The following ZFYVE28 variants were observed in gnomAD, a reference collection of about 807,000 sequenced individuals.
The protein encoded by ZFYVE28 is lateral signaling target protein 2 homolog.
ZFYVE28 carries 40 observed loss-of-function variants against 82.1 expected under a neutral mutation model. The ratio of observed to expected loss-of-function variants is 0.49; its 90% confidence interval spans 0.38 to 0.63. The LOEUF is 0.63. Among genes scored for constraint, ZFYVE28 ranks in the 30% least tolerant of loss-of-function variants. The pLI is 0.00. For missense variants in ZFYVE28, 1,321 were observed against 1,242.1 expected, an observed-to-expected ratio of 1.06 and a Z score of -0.96; for synonymous variants, 612 against 546.1, an observed-to-expected ratio of 1.12 and a Z score of -1.68.
chr4:2,402,760 A>G (rs1385382716), intron 1 of ZFYVE28, among the ~76,000 whole-genome samples: 1 of 152,180 alleles, frequency 6.6e-6, no homozygotes, highest in African/African-American at 2.4e-5. Flanking sequence ...TTACCCACCC[A>G]CATCTAATGA....
chr4:2,330,203 T>A, intron 6 of ZFYVE28: 1 of 877,884 alleles, frequency 1.1e-6, no homozygotes, highest in Non-Finnish European at 1.4e-6. Flanking sequence ...TGGTGATGGC[T>A]GCACAATTCT....
chr4:2,417,974 G>A lies in ZFYVE28; in HGVS notation c.39+311C>T, dbSNP rs1032530154. ...GGAGGGCACCGTCCAGGACCGGGAT[G>A]AGGAGGGAGAGGGGCCCGTTGTGGC... On this transcript the variant is annotated intron_variant, in intron 1 of 12. Transcript: ENST00000290974. The surrounding 1 kb of genome is among the most constrained non-coding windows in gnomAD (Gnocchi z 4.8). Among the ~76,000 whole-genome samples, 5 of 151,894 alleles carry A rather than the reference G, an allele frequency of 3.3e-5. No individual in the cohort carries two copies. Among genetic ancestry groups the A allele is most frequent in the African/African-American group, 9.7e-5 (4 of 41,360 alleles).
chr4:2,418,602 G>A lies in ZFYVE28; in HGVS notation c.-279C>T. ...CGGACAGACGCGGGCACGGGGGCGC[G>A]CGGCTCCTCGCTGCTCACTGACACC... On this transcript the variant is annotated 5_prime_UTR_variant, in exon 1 of 13. Coordinates refer to ENST00000290974, the MANE Select transcript of ZFYVE28 (RefSeq NM_020972.3). This position sits in a 1 kb window ranked among gnomAD's most constrained non-coding sequence, Gnocchi z 4.6. The A allele has an allele frequency of 6.5e-6, 1 of 152,840 alleles. No homozygotes were observed. 9.5% of individuals were successfully genotyped at this position (152,840 alleles called of 1,614,324 possible). A position where few individuals can be genotyped will look rare whatever the true frequency, so the allele number is the denominator to read the frequency against.
At position 2,300,417 on chromosome 4, in the gene ZFYVE28, GAA is replaced by G. The variant is rs1048468043; in HGVS notation, c.2051+3870_2051+3871del. Among the ~76,000 whole-genome samples, 3 of 152,190 alleles carry G rather than the reference GAA, an allele frequency of 2.0e-5. No individual in the cohort carries two copies. The highest frequency in any genetic ancestry group is 2.9e-5 in the Non-Finnish European group (2 of 68,030). On this transcript the variant is annotated intron_variant, in intron 8 of 12. Coordinates refer to ENST00000290974, the MANE Select transcript of ZFYVE28 (RefSeq NM_020972.3). The surrounding 1 kb of genome is among the most constrained non-coding windows in gnomAD (Gnocchi z 4.6). Reference sequence around the variant, plus strand: ...AAGGTCGGAAAGAAGCCAGTAAAATGAAAAGAGCTGAAGGGCGTAGGTTCCAG... The same window carrying G: ...AAGGTCGGAAAGAAGCCAGTAAAATGAAGAGCTGAAGGGCGTAGGTTCCAG...
intron 6 of ZFYVE28, chr4:2,330,440 G>C: frequency 9.4e-7 from 1 of 1,061,306 alleles, no homozygotes; most frequent in Non-Finnish European, 1.1e-6. Flanking sequence ...ATCATGGAGG[G>C]GACAGCACGG....
At position 2,269,994 on chromosome 4, in the gene ZFYVE28, C is replaced by T. The variant is rs1270414537; in HGVS notation, c.*731G>A. 3.3e-5 allele frequency: 5 copies of T among 152,288 alleles called. No homozygotes were observed. The highest frequency in any genetic ancestry group is 5.9e-5 in the Non-Finnish European group (4 of 68,172). The allele number at this position is 152,288 out of a possible 1,614,324, so 9.4% of individuals were successfully genotyped here. ...CGGGCGTCCTGGCTGATTGGTAAAC[C>T]CGACCCAAGGCCCCGAGCAACCTCT... On this transcript the variant is annotated 3_prime_UTR_variant, in exon 13 of 13. Transcript: ENST00000290974.
chr4:2,361,999 A>G (rs1033258784), intron 1 of ZFYVE28, among the ~76,000 whole-genome samples: 3 of 152,090 alleles, frequency 2.0e-5, no homozygotes, highest in African/African-American at 7.2e-5. Context: ...ACGGAAGCCC[A>G]GTCCAGCTCC....
intron 2 of ZFYVE28, among the ~76,000 whole-genome samples, chr4:2,352,159 C>T (rs1387345375): frequency 2.0e-5 from 3 of 152,110 alleles, no homozygotes; most frequent in African/African-American, 7.2e-5. Flanking sequence ...CAGTTCAAAC[C>T]ATGTTGTTCA....
chr4:2,401,500 G>A (rs1172965033), intron 1 of ZFYVE28, among the ~76,000 whole-genome samples: 1 of 152,180 alleles, frequency 6.6e-6, no homozygotes, highest in Non-Finnish European at 1.5e-5. Flanking sequence ...TAACCACAGG[G>A]TGCTTTCACT....
rs566833594 is a variant in ZFYVE28 at position 2,273,614 on chromosome 4, C to T, written c.2207-325G>A. Among the ~76,000 whole-genome samples, 3 of 152,316 alleles carry T rather than the reference C, an allele frequency of 2.0e-5. No homozygotes were observed. In the East Asian group the frequency reaches 5.8e-4, roughly 29 times the overall value. On this transcript the variant is annotated intron_variant, in intron 9 of 12. Transcript: ENST00000290974. ...TGGCCAGGCTACGCGCTGAGGGACA[C>T]TTACAGAGCCCCTGCACTGTGCCCA...
In ZFYVE28 at chr4:2,305,004, C is replaced by G. The variant is rs776479164; in HGVS notation, c.1336G>C (p.Gly446Arg). 6.2e-7 allele frequency: 1 copy of G among 1,612,660 alleles called. No homozygotes were observed. The highest frequency in any genetic ancestry group is 8.5e-7 in the Non-Finnish European group (1 of 1,179,918). Residue 446 changes from glycine (G) to arginine (R), a missense_variant, in exon 8 of 13, where the codon GGG becomes CGG. Gly to Arg is a moderately radical substitution (Grantham distance 125, BLOSUM62 -2). Coordinates refer to ENST00000290974, the MANE Select transcript of ZFYVE28 (RefSeq NM_020972.3). ...KGQGGPGGAA[G>R]ISLPASEKEE... ...TTTTCCGAGGCGGGCAAGCTGATCC[C>G]CGCCGCTCCGCCTGGCCCACCCTGC...
At chr4:2,279,550 T>A (rs374308079) in intron 8 of ZFYVE28, among the ~76,000 whole-genome samples, 2 of 151,818 alleles carry the variant, frequency 1.3e-5, no homozygotes, top group Admixed American at 6.6e-5. Flanking sequence ...GAGGCCAAGG[T>A]GGGCGGATCA....
chr4:2,368,518 C>G (rs553975554), intron 1 of ZFYVE28, among the ~76,000 whole-genome samples: 1 of 82,748 alleles, frequency 1.2e-5, no homozygotes, highest in Non-Finnish European at 2.9e-5. Context: ...AGCAGTCATC[C>G]CCCTACCCCT....
rs58688626 is a variant in ZFYVE28, at chr4:2,294,074, C to CTTT, written c.2051+10212_2051+10214dup. On this transcript the variant is annotated intron_variant, in intron 8 of 12. Transcript: ENST00000290974. ...TAATCCCAATCAAAATCCCAGCAGG[C>CTTT]TTTTTTTTTTTTTTTGGTAAAAGTT... Among the ~76,000 whole-genome samples the CTTT allele has an allele frequency of 2.9e-5, 4 of 138,014 alleles. 1 individual carries two copies. The highest frequency in any genetic ancestry group is 1.0e-4 in the African/African-American group (4 of 38,604). The allele number at this position is 138,014 out of a possible 152,430, so 90.5% of individuals were successfully genotyped here. A position where few individuals can be genotyped will look rare whatever the true frequency, so the allele number is the denominator to read the frequency against.
intron 8 of ZFYVE28, among the ~76,000 whole-genome samples, chr4:2,292,335 C>T (rs909612617): frequency 2.0e-5 from 3 of 152,204 alleles, no homozygotes; most frequent in African/African-American, 7.2e-5. Context: ...ACGATGGTGG[C>T]TCCATGCCAA....
chr4:2,391,680 T>C (rs1157583779), intron 1 of ZFYVE28, among the ~76,000 whole-genome samples: 2 of 149,680 alleles, frequency 1.3e-5, no homozygotes, highest in Non-Finnish European at 3.0e-5. Flanking sequence ...CCCACCACTC[T>C]CCTTTCTGTA....
chr4:2,386,546 G>A (rs1457768346), intron 1 of ZFYVE28, among the ~76,000 whole-genome samples: 9 of 152,142 alleles, frequency 5.9e-5, no homozygotes, highest in Admixed American at 1.3e-4. Flanking sequence ...GAATCCAGCC[G>A]TTTGTGGACT....
At chr4:2,340,607 C>T (rs1722632514) in intron 3 of ZFYVE28, among the ~76,000 whole-genome samples, 1 of 152,138 alleles carries the variant, frequency 6.6e-6, no homozygotes, top group Admixed American at 6.5e-5. Context: ...GGAGCTGTGC[C>T]CACCCCTGTG....
At position 2,337,524 on chromosome 4, in the gene ZFYVE28, C is replaced by T. The variant is rs189362437; in HGVS notation, c.522-28G>A. ...GCAAACACATGGAGACCTGTGAGGCCGCACCTGGGCTGTGGCGGGGCCCCT... is the reference window on the plus strand; with the variant it reads ...GCAAACACATGGAGACCTGTGAGGCTGCACCTGGGCTGTGGCGGGGCCCCT... On this transcript the variant is annotated intron_variant, in intron 4 of 12. Coordinates refer to ENST00000290974, the MANE Select transcript of ZFYVE28 (RefSeq NM_020972.3). 728 of 1,569,196 alleles carry T rather than the reference C, an allele frequency of 4.6e-4. No homozygotes were observed. The African/African-American group carries it at 7.9e-3, about 17-fold the overall frequency.
Sources: gnomAD v4.1 joint callset for allele counts (sites outside exome capture counted in the v4.1 genomes callset) on GRCh38, gnomAD v4.1.1 for gene constraint, Gnocchi (gnomAD v3.1) non-coding constraint, MANE v1.5 for transcripts, NCBI Gene and HGNC (gene_info 2026-07-23, HGNC 2026-07-21) for gene names.